Variants in G3BP1 observed in about 807,000 individuals in gnomAD.
G3BP1 encodes the protein G3BP stress granule assembly factor 1.
G3BP1 carries 35 observed loss-of-function variants against 58.6 expected under a neutral mutation model. The observed-to-expected ratio is 0.60, with a 90% confidence interval of 0.46 to 0.79. G3BP1 has a LOEUF of 0.79. G3BP1 is among the 30% of genes least tolerant of loss of function. The pLI is 0.00. For synonymous variants in G3BP1, 191 were observed against 195.4 expected (o/e 0.98, Z 0.19); for missense variants, 523 against 580.8 (o/e 0.90, Z 1.02).
rs1254518402 is a variant in G3BP1, at chr5:151,797,249, G to A, written c.562G>A (p.Glu188Lys). The change falls in exon 7 of 12, where the codon GAG becomes AAG. Residue 188 changes from glutamate (E) to lysine (K), a missense_variant. Coordinates refer to ENST00000356245, the MANE Select transcript of G3BP1 (RefSeq NM_005754.3). Reference sequence around the variant, plus strand: ...AAGTAATGACATGGAAGAACATTTAGAGGAGCCTGTTGCTGAACCAGAGCC... The same window carrying A: ...AAGTAATGACATGGAAGAACATTTAAAGGAGCCTGTTGCTGAACCAGAGCC... ...VVSNDMEEHLEEPVAEPEPDP... is the reference protein window; with the variant it reads ...VVSNDMEEHLKEPVAEPEPDP... 1 of 1,613,424 alleles carries A rather than the reference G, an allele frequency of 6.2e-7. No individual in the cohort carries two copies. Among genetic ancestry groups the A allele is most frequent in the Admixed American group, 1.7e-5 (1 of 60,018 alleles).
At position 151,804,777 on chromosome 5, in the gene G3BP1, TG is replaced by T. The variant is rs1317167367; in HGVS notation, c.*687del. On this transcript the variant is annotated 3_prime_UTR_variant, in exon 12 of 12. Coordinates refer to ENST00000356245, the MANE Select transcript of G3BP1 (RefSeq NM_005754.3). Reference sequence around the variant, plus strand: ...TAGAATGCAACTGATAGGCTTTTCTTGAACTGTTAGTTTTTTTGAAGTAGTT... The same window carrying T: ...TAGAATGCAACTGATAGGCTTTTCTTAACTGTTAGTTTTTTTGAAGTAGTT... 6.6e-6 allele frequency: 1 copy of T among 152,660 alleles called. No homozygotes were observed. The highest frequency in any genetic ancestry group is 1.9e-4 in the East Asian group (1 of 5,200). 9.5% of individuals were successfully genotyped at this position (152,660 alleles called of 1,614,324 possible). A position where few individuals can be genotyped will look rare whatever the true frequency, so the allele number is the denominator to read the frequency against.
In G3BP1 at chr5:151,795,545, C is replaced by A; in HGVS notation, c.509C>A (p.Ser170Tyr). 1 of 1,604,260 alleles carries A rather than the reference C, an allele frequency of 6.2e-7. No individual in the cohort carries two copies. Among genetic ancestry groups the A allele is most frequent in the South Asian group, 1.1e-5 (1 of 90,714 alleles). The change falls in exon 6 of 12, where the codon TCT becomes TAT. Residue 170 changes from serine to tyrosine, a missense_variant. Transcript: ENST00000356245. ...ACACCTGAGGTGGTACCTGATGATT[C>A]TGGAACTTTCTATGATCAGGCAGTT... ...QQTPEVVPDD[S>Y]GTFYDQAVVS...
chr5:151,800,619 A>T (rs1007034036), intron 10 of G3BP1, 141 bp from the exon 11 acceptor site: 5 of 634,170 alleles, frequency 7.9e-6, no homozygotes, highest in Non-Finnish European at 1.4e-5. Context: ...TGAGAGGCAC[A>T]TCTCAATTCA....
intron 3 of G3BP1, 66 bp downstream of exon 3, chr5:151,790,470 A>AAAATAACTCATAAAATAAC: frequency 1.3e-6 from 1 of 777,386 alleles, no homozygotes; most frequent in Non-Finnish European, 2.1e-6. Context: ...ATTGAAGTGG[A>AAAATAACTCATAAAATAAC]TCATACTTAA....
chr5:151,801,594 CA>C (rs1762850560), intron 11 of G3BP1, among the ~76,000 whole-genome samples: 1 of 152,106 alleles, frequency 6.6e-6, no homozygotes, highest in Non-Finnish European at 1.5e-5. Context: ...CATTATTGTG[CA>C]ACCATTACCT....
chr5:151,792,840 C>G (rs893496748), intron 4 of G3BP1, among the ~76,000 whole-genome samples: 18 of 152,148 alleles, frequency 1.2e-4, no homozygotes, highest in Non-Finnish European at 8.8e-5. Flanking sequence ...GTCTCAAACT[C>G]CTGGGCTTAA....
chr5:151,794,590 A>G (rs1762718500), intron 5 of G3BP1, among the ~76,000 whole-genome samples: 1 of 152,222 alleles, frequency 6.6e-6, no homozygotes, highest in Non-Finnish European at 1.5e-5. Context: ...AAGGCATGGG[A>G]CACTGAGTTT....
intron 1 of G3BP1, among the ~76,000 whole-genome samples, chr5:151,779,686 T>A (rs978074596): frequency 3.3e-5 from 5 of 152,250 alleles, no homozygotes; most frequent in African/African-American, 1.2e-4. Context: ...ATAAATAGGG[T>A]GACATATGTC....
chr5:151,779,889 G>C (rs936590801), intron 1 of G3BP1, among the ~76,000 whole-genome samples: 3 of 152,224 alleles, frequency 2.0e-5, no homozygotes, highest in African/African-American at 4.8e-5. Flanking sequence ...ATACTTTACA[G>C]ATAGGGTGGC....
chr5:151,801,837 C>A (rs1040574051), intron 11 of G3BP1, among the ~76,000 whole-genome samples: 9 of 149,658 alleles, frequency 6.0e-5, no homozygotes, highest in Non-Finnish European at 1.3e-4. Context: ...TTTTTTGAGA[C>A]AGTGTCTCTC....
intron 1 of G3BP1, among the ~76,000 whole-genome samples, chr5:151,780,081 C>G (rs1006235100): frequency 6.6e-6 from 1 of 151,960 alleles, no homozygotes; most frequent in African/African-American, 2.4e-5. Context: ...CCTGTAGGCT[C>G]TTTTTTTTAC....
rs186656724 is a variant in G3BP1 at position 151,774,791 on chromosome 5, A to G, written c.-50+2755A>G. ...AAGTGGGAAAAATCTCTGGTAGTGC[A>G]GTACTGCCCTTCCAGTACTCCAGTA... On this transcript the variant is annotated intron_variant, in intron 1 of 11. Transcript: ENST00000356245. Among the ~76,000 whole-genome samples the G allele has an allele frequency of 2.3e-3, 354 of 152,122 alleles. 1 individual carries two copies. Among genetic ancestry groups the G allele is most frequent in the African/African-American group, 8.3e-3 (343 of 41,516 alleles).
rs1185171323 is a variant in G3BP1, at chr5:151,807,684, CTG to C, written c.*3595_*3596del. 1 of 152,068 alleles carries C rather than the reference CTG, an allele frequency of 6.6e-6. No individual in the cohort carries two copies. The highest frequency in any genetic ancestry group is 1.5e-5 in the Non-Finnish European group (1 of 67,986). The allele number at this position is 152,068 out of a possible 1,614,324, so 9.4% of individuals were successfully genotyped here. ...AGAATTTGTGTTTTGTGCTTATAAA[CTG>C]TCACCTTCTGATACTTTTCTTCATC... On this transcript the variant is annotated 3_prime_UTR_variant, in exon 12 of 12. Coordinates refer to ENST00000356245, the MANE Select transcript of G3BP1 (RefSeq NM_005754.3).
At chr5:151,783,754 A>G (rs2113224269) in intron 1 of G3BP1, among the ~76,000 whole-genome samples, 1 of 152,090 alleles carries the variant, frequency 6.6e-6, no homozygotes, top group African/African-American at 2.4e-5. Flanking sequence ...TCAGTGAAGA[A>G]CTTACCTAAA....
chr5:151,811,241 T>A lies in G3BP1; in HGVS notation c.*7150T>A, dbSNP rs1448192165. On this transcript the variant is annotated 3_prime_UTR_variant, in exon 12 of 12. Transcript: ENST00000356245. ...AACATAGTTCTGACCATGTATTCCA[T>A]GTATGTGTTCTCTCTCCCCTATTAG... The A allele has an allele frequency of 6.6e-6, 1 of 152,236 alleles. No homozygotes were observed. Among genetic ancestry groups the A allele is most frequent in the East Asian group, 1.9e-4 (1 of 5,198 alleles). 9.4% of individuals were successfully genotyped at this position (152,236 alleles called of 1,614,324 possible).
At position 151,805,033 on chromosome 5, in the gene G3BP1, G is replaced by A. The variant is rs1297360535; in HGVS notation, c.*942G>A. 6.6e-6 allele frequency: 1 copy of A among 152,430 alleles called. No individual in the cohort carries two copies. Among genetic ancestry groups the A allele is most frequent in the Non-Finnish European group, 1.5e-5 (1 of 67,992 alleles). 9.4% of individuals were successfully genotyped at this position (152,430 alleles called of 1,614,324 possible). ...TGTCTTTTGTTAACATATTTGTTATGCCTTATTCTAAAATTGAGTCTCAAA... is the reference window on the plus strand; with the variant it reads ...TGTCTTTTGTTAACATATTTGTTATACCTTATTCTAAAATTGAGTCTCAAA... On this transcript the variant is annotated 3_prime_UTR_variant, in exon 12 of 12. Transcript: ENST00000356245.
chr5:151,812,659 A>G lies in G3BP1; in HGVS notation c.*8568A>G, dbSNP rs895259548. Reference sequence around the variant, plus strand: ...AAACTAGCCCATCTTAAGTTAGTCAATGAATCCTGAGTCAAAATGAAAGGT... The same window carrying G: ...AAACTAGCCCATCTTAAGTTAGTCAGTGAATCCTGAGTCAAAATGAAAGGT... On this transcript the variant is annotated 3_prime_UTR_variant, in exon 12 of 12. Coordinates refer to ENST00000356245, the MANE Select transcript of G3BP1 (RefSeq NM_005754.3). 2.6e-5 allele frequency: 4 copies of G among 152,266 alleles called. No individual in the cohort carries two copies. The highest frequency in any genetic ancestry group is 4.1e-4 in the South Asian group (2 of 4,836). The allele number at this position is 152,266 out of a possible 1,614,324, so 9.4% of individuals were successfully genotyped here.
rs534095801 is a variant in G3BP1 at position 151,802,404 on chromosome 5, G to A, written c.1195-1481G>A. ...TATGCTCCCTTCACTAATTTTTTGT[G>A]TGAGCAGAAATAGCTTATGTAAGAC... On this transcript the variant is annotated intron_variant, in intron 11 of 11. Transcript: ENST00000356245. Among the ~76,000 whole-genome samples, 5 of 152,292 alleles carry A rather than the reference G, an allele frequency of 3.3e-5. No individual in the cohort carries two copies. The South Asian group carries it at 6.2e-4, about 19-fold the overall frequency.
intron 5 of G3BP1, among the ~76,000 whole-genome samples, chr5:151,795,060 G>A (rs868160180): frequency 2.6e-5 from 4 of 152,140 alleles, no homozygotes; most frequent in South Asian, 2.1e-4. Context: ...GGCAGATCAC[G>A]AGGTCAGGAG....
Sources: allele counts gnomAD v4.1 joint callset (sites outside exome capture counted in the v4.1 genomes callset), GRCh38; gene constraint gnomAD v4.1.1; transcripts MANE v1.5; gene names NCBI Gene and HGNC (gene_info 2026-07-23, HGNC 2026-07-21).